Variants in LRRK1 observed in about 807,000 individuals in gnomAD.
The protein encoded by LRRK1 is leucine-rich repeat serine/threonine-protein kinase 1.
Under a neutral mutation model 209.1 loss-of-function variants are expected in LRRK1, and 113 were observed. That is an observed-to-expected ratio of 0.54 (90% CI 0.46 to 0.63). The LOEUF is 0.63. Among genes scored for constraint, LRRK1 ranks in the 30% least tolerant of loss-of-function variants. The pLI, the probability that LRRK1 is intolerant of heterozygous loss-of-function variation, is 0.00. For missense variants in LRRK1, 2,284 were observed against 2,632.2 expected (o/e 0.87, Z 2.89); for synonymous variants, 1,144 against 1,099.7 (o/e 1.04, Z -0.80).
intron 2 of LRRK1, among the ~76,000 whole-genome samples, chr15:100,940,892 G>T (rs1021169900): frequency 6.6e-6 from 1 of 152,238 alleles, no homozygotes; most frequent in African/African-American, 2.4e-5. Flanking sequence ...GCCCCGAACA[G>T]TAATGTGAGG....
chr15:101,046,173 G>C (rs752498991), intron 21 of LRRK1, 21 bp downstream of exon 21: 1 of 1,612,098 alleles, frequency 6.2e-7, no homozygotes, highest in Non-Finnish European at 8.5e-7. Flanking sequence ...TGCGGTTTCT[G>C]CATAGACAGA....
intron 2 of LRRK1, among the ~76,000 whole-genome samples, chr15:100,950,888 G>A (rs190488470): frequency 1.3e-5 from 2 of 152,216 alleles, no homozygotes; most frequent in Non-Finnish European, 2.9e-5. Context: ...CAGATCACGA[G>A]GTCAGGAGAT....
chr15:100,945,161 T>A (rs1567193242), intron 2 of LRRK1, among the ~76,000 whole-genome samples: 5 of 152,192 alleles, frequency 3.3e-5, no homozygotes, highest in South Asian at 4.1e-4. Context: ...TAGAAGCTCA[T>A]CTATACAACA....
intron 3 of LRRK1, among the ~76,000 whole-genome samples, chr15:100,974,424 T>C (rs8038607): frequency 0.33 from 49,346 of 150,542 alleles, 8,631 homozygotes; most frequent in East Asian, 0.51. Context: ...CCTGCCGATC[T>C]GAGCATACAT....
At chr15:101,059,062 T>TGACACAGACGTACTCTAAGAAA (rs1452141934) in intron 29 of LRRK1, among the ~76,000 whole-genome samples, 8 of 152,296 alleles carry the variant, frequency 5.3e-5, no homozygotes, top group Admixed American at 1.3e-4. Flanking sequence ...CTGAGGGTTG[T>TGACACAGACGTACTCTAAGAAA]GACACAGACG....
chr15:100,982,230 C>T (rs1378617465), intron 3 of LRRK1, among the ~76,000 whole-genome samples: 1 of 152,218 alleles, frequency 6.6e-6, no homozygotes, highest in African/African-American at 2.4e-5. Flanking sequence ...CATCCCATTC[C>T]AATAGGGGAT....
chr15:100,922,928 C>T (rs1056321988), intron 1 of LRRK1, among the ~76,000 whole-genome samples: 1 of 152,232 alleles, frequency 6.6e-6, no homozygotes, highest in Non-Finnish European at 1.5e-5. Context: ...CCACCTGGGC[C>T]AGGTGCCTGA....
At chr15:101,047,436 T>A (rs2035146016) in intron 21 of LRRK1, among the ~76,000 whole-genome samples, 1 of 152,054 alleles carries the variant, frequency 6.6e-6, no homozygotes, top group South Asian at 2.1e-4. Flanking sequence ...CAAGGGAGGG[T>A]CATGGAGCAC....
At position 101,058,087 on chromosome 15, in the gene LRRK1, C is replaced by T; in HGVS notation, c.4625C>T (p.Ser1542Leu). 1.2e-6 allele frequency: 2 copies of T among 1,614,186 alleles called. No individual in the cohort carries two copies. The highest frequency in any genetic ancestry group is 1.7e-6 in the Non-Finnish European group (2 of 1,180,020). Residue 1542 changes from serine (S) to leucine (L), a missense_variant, in exon 29 of 34, where the codon TCA becomes TTA. Physicochemically the swap from Ser to Leu is moderately radical, Grantham distance 145. Transcript: ENST00000388948. ...TGTGGGAAGCAGACAGCCTTCTTCT[C>T]ATCCCAGGGCCAGGAGTACACCGTG... is the stretch of plus-strand genomic sequence containing the variant. ...LCCGKQTAFF[S>L]SQGQEYTVVF...
rs975940010 is a variant in LRRK1 at position 101,071,010 on chromosome 15, G to A, written c.*2162G>A. Reference sequence around the variant, plus strand: ...GAAAGGCAAACAGGTTAAGGGCATGGGCAGCAATTGAATTACAAAGAAACA... The same window carrying A: ...GAAAGGCAAACAGGTTAAGGGCATGAGCAGCAATTGAATTACAAAGAAACA... On this transcript the variant is annotated 3_prime_UTR_variant, in exon 34 of 34. Transcript: ENST00000388948. 2 of 152,172 alleles carry A rather than the reference G, an allele frequency of 1.3e-5. No homozygotes were observed. The highest frequency in any genetic ancestry group is 2.4e-5 in the African/African-American group (1 of 41,422). 9.4% of individuals were successfully genotyped at this position (152,172 alleles called of 1,614,324 possible). A position where few individuals can be genotyped will look rare whatever the true frequency, so the allele number is the denominator to read the frequency against.
At chr15:101,035,463 C>A (rs540505300) in intron 20 of LRRK1, among the ~76,000 whole-genome samples, 1 of 152,090 alleles carries the variant, frequency 6.6e-6, no homozygotes, top group Non-Finnish European at 1.5e-5. Context: ...ACAAGTATAG[C>A]GATGTCTGCT....
At chr15:100,934,843 A>C (rs1225746468) in intron 2 of LRRK1, among the ~76,000 whole-genome samples, 1 of 151,136 alleles carries the variant, frequency 6.6e-6, no homozygotes, top group Non-Finnish European at 1.5e-5. Flanking sequence ...AGAAAACCAG[A>C]GAGTGATGCT....
chr15:101,068,753 G>T lies in LRRK1; in HGVS notation c.5953G>T (p.Val1985Phe). The T allele has an allele frequency of 1.2e-6, 2 of 1,613,978 alleles. No homozygotes were observed. The highest frequency in any genetic ancestry group is 1.7e-6 in the Non-Finnish European group (2 of 1,179,894). Reference sequence around the variant, plus strand: ...TGAAAACACAGAGTGGTGCCTGGCCGTCTGGAGGGGCTGGGGCGCCAGGGA... The same window carrying T: ...TGAAAACACAGAGTGGTGCCTGGCCTTCTGGAGGGGCTGGGGCGCCAGGGA... ...ENENTEWCLA[V>F]WRGWGAREFD... is the part of the protein sequence containing the mutation. Residue 1985 changes from valine to phenylalanine, a missense_variant, in exon 34 of 34, where the codon GTC becomes TTC. Physicochemically the swap from Val to Phe is conservative, Grantham distance 50. Transcript: ENST00000388948.
intron 21 of LRRK1, among the ~76,000 whole-genome samples, chr15:101,047,706 G>A (rs992077656): frequency 6.6e-6 from 1 of 152,176 alleles, no homozygotes. Flanking sequence ...GCACGGAGCG[G>A]CCCCGCGCAC....
chr15:100,980,488 A>G (rs2031538740), intron 3 of LRRK1, among the ~76,000 whole-genome samples: 2 of 152,194 alleles, frequency 1.3e-5, no homozygotes, highest in Non-Finnish European at 2.9e-5. Context: ...AGGTGATGGA[A>G]CAGGTTCGTA....
chr15:100,971,949 GT>G (rs1365968465), intron 2 of LRRK1, among the ~76,000 whole-genome samples: 1 of 147,086 alleles, frequency 6.8e-6, no homozygotes, highest in East Asian at 2.0e-4. Context: ...ATCCCTGGCT[GT>G]TGCAAATGAC....
chr15:100,941,304 G>GTGTGTGTGTCTGTCTC (rs2042405553), intron 2 of LRRK1, among the ~76,000 whole-genome samples: 1 of 114,592 alleles, frequency 8.7e-6, no homozygotes, highest in African/African-American at 4.1e-5. Context: ...GTGTGTCTAT[G>GTGTGTGTGTCTGTCTC]TGTGTGTGTC....
At chr15:100,981,491 C>T (rs2031597231) in intron 3 of LRRK1, among the ~76,000 whole-genome samples, 1 of 152,174 alleles carries the variant, frequency 6.6e-6, no homozygotes, top group Non-Finnish European at 1.5e-5. Context: ...GACTGTTCCT[C>T]TCCTCACGTG....
chr15:101,057,036 A>T lies in LRRK1; in HGVS notation c.4513A>T (p.Thr1505Ser), dbSNP rs779096886. Residue 1505 changes from threonine to serine, a missense_variant, in exon 28 of 34, where the codon ACT becomes TCT. Physicochemically the swap from Thr to Ser is moderately conservative, Grantham distance 58. Coordinates refer to ENST00000388948, the MANE Select transcript of LRRK1 (RefSeq NM_024652.6). ...GGCGCTCATGATGGAGTGCTGGGAC[A>T]CTAAGCCAGAGAAGGTACTTGGGGA... ...LQALMMECWD[T>S]KPEKRPLALS... The T allele has an allele frequency of 4.4e-6, 7 of 1,608,864 alleles. No homozygotes were observed. The South Asian group carries it at 7.7e-5, about 18-fold the overall frequency.
Sources: gnomAD v4.1 joint callset for allele counts (sites outside exome capture counted in the v4.1 genomes callset) on GRCh38, gnomAD v4.1.1 for gene constraint, MANE v1.5 for transcripts, NCBI Gene and HGNC (gene_info 2026-07-23, HGNC 2026-07-21) for gene names.